Variants in ZNF529 observed in about 807,000 individuals in gnomAD.
ZNF529 encodes zinc finger protein 529.
A neutral mutation model predicts 10.1 loss-of-function variants in ZNF529; 11 were observed. The observed-to-expected ratio is 1.09, with a 90% CI of 0.69 to 1.81. ZNF529 has a LOEUF of 1.81. Among genes scored for constraint, ZNF529 ranks in the 40% most tolerant of loss-of-function variants. The pLI is 0.00. For synonymous variants in ZNF529, 204 were observed against 215.7 expected, an observed-to-expected ratio of 0.95 and a Z score of 0.47; for missense variants, 624 against 666.8, an observed-to-expected ratio of 0.94 and a Z score of 0.71.
At chr19:36,572,875 C>G (rs1383927253) in intron 1 of ZNF529, among the ~76,000 whole-genome samples, 1 of 151,450 alleles carries the variant, frequency 6.6e-6, no homozygotes, top group Admixed American at 6.6e-5. Context: ...ACGCTTTACC[C>G]AAAACAAACT....
chr19:36,569,602 TAAAA>T (rs532554413), intron 2 of ZNF529, among the ~76,000 whole-genome samples: 5 of 141,306 alleles, frequency 3.5e-5, no homozygotes, highest in African/African-American at 1.3e-4. Flanking sequence ...CTGTCTCTAC[TAAAA>T]AAAAAAAAAA....
At chr19:36,593,470 G>A (rs1303322713) in intron 1 of ZNF529, among the ~76,000 whole-genome samples, 1 of 152,246 alleles carries the variant, frequency 6.6e-6, no homozygotes, top group African/African-American at 2.4e-5. Context: ...TGCCTGGATA[G>A]GTCCCAATCT....
rs555768173 is a variant in ZNF529 at position 36,600,423 on chromosome 19, A to G, written c.-128+4703T>C. Among the ~76,000 whole-genome samples, 15 of 152,326 alleles carry G rather than the reference A, an allele frequency of 9.8e-5. No homozygotes were observed. The South Asian group carries it at 3.1e-3, about 32-fold the overall frequency. On this transcript the variant is annotated intron_variant, in intron 1 of 4. Coordinates refer to the ZNF529 transcript ENST00000585960. ...CAACTGATTTATAATTTAGCAATTC[A>G]TTGTGTACTTTTGCTCACAAATATG...
chr19:36,589,654 G>T (rs939911729), exon 2 of ZNF529: 5 of 151,752 alleles, frequency 3.3e-5, no homozygotes, highest in Non-Finnish European at 7.4e-5. Context: ...AATGATTTCA[G>T]CCTTACTGTA....
Position 36,547,958 on chromosome 19 carries a change from T to C in ZNF529, c.600A>G (p.Glu200=), listed in dbSNP as rs1195160307. Residue 200 remains glutamate, a synonymous_variant, in exon 5 of 5, where the codon GAA becomes GAG. Coordinates refer to ENST00000591340, the MANE Select transcript of ZNF529 (RefSeq NM_020951.5). ...QKIHTGGKNY[E]CNQCWKTFGI... ...CAAAGGTTTTCCAACATTGATTACA[T>C]TCATAGTTTTTTCCACCAGTATGTA... The C allele has an allele frequency of 1.2e-6, 2 of 1,612,738 alleles. No individual in the cohort carries two copies. Among genetic ancestry groups the C allele is most frequent in the Non-Finnish European group, 8.5e-7 (1 of 1,179,568 alleles).
chr19:36,598,640 T>C (rs1281103311), intron 1 of ZNF529, among the ~76,000 whole-genome samples: 1 of 152,210 alleles, frequency 6.6e-6, no homozygotes, highest in African/African-American at 2.4e-5. Context: ...AAGTATTTTA[T>C]TGGCATTACC....
intron 2 of ZNF529, among the ~76,000 whole-genome samples, chr19:36,564,079 C>A (rs1359668179): frequency 6.6e-6 from 1 of 152,140 alleles, no homozygotes. Flanking sequence ...TGAAACTGCA[C>A]CCGTACTTTT....
intron 1 of ZNF529, among the ~76,000 whole-genome samples, chr19:36,596,652 G>A (rs2036847032): frequency 1.3e-5 from 2 of 151,934 alleles, no homozygotes; most frequent in Non-Finnish European, 1.5e-5. Context: ...GAGTAGCTGG[G>A]ATTATAGGTG....
At chr19:36,574,870 A>C (rs2036276311), upstream of ZNF529, 4 of 471,266 alleles carry the variant, frequency 8.5e-6, no homozygotes, top group South Asian at 6.2e-5. Context: ...CTCCTGGGCA[A>C]ATATTTAGAA....
rs559660683 is a variant in ZNF529 at position 36,561,766 on chromosome 19, G to A, written c.15-5569C>T. 3.3e-5 allele frequency among the ~76,000 whole-genome samples: 5 copies of A among 152,362 alleles called. No individual in the cohort carries two copies. The East Asian group carries it at 5.8e-4, about 18-fold the overall frequency. On this transcript the variant is annotated intron_variant, in intron 2 of 4. Transcript: ENST00000591340. ...TGTGCACACCAAAGCCATGGTGGCA[G>A]GGACCCTTCGGGCCTTTGGGGTCCA... is the stretch of plus-strand genomic sequence containing the variant.
At chr19:36,602,076 T>A (rs899065119) in intron 1 of ZNF529, among the ~76,000 whole-genome samples, 3 of 142,278 alleles carry the variant, frequency 2.1e-5, no homozygotes, top group Non-Finnish European at 4.5e-5. Flanking sequence ...TTAAGATGGA[T>A]TCTCACTGTC....
At chr19:36,548,761 C>G (rs1316806621) in intron 4 of ZNF529, among the ~76,000 whole-genome samples, 1 of 152,202 alleles carries the variant, frequency 6.6e-6, no homozygotes, top group Non-Finnish European at 1.5e-5. Context: ...TGGCTCATGC[C>G]TGTAATCCTA....
chr19:36,601,532 T>C (rs1300723276), intron 1 of ZNF529, among the ~76,000 whole-genome samples: 2 of 152,070 alleles, frequency 1.3e-5, no homozygotes, highest in Admixed American at 1.3e-4. Context: ...ACAATTAACC[T>C]CATATTTTCA....
At chr19:36,594,660 A>C (rs939366664) in intron 1 of ZNF529, 1 of 152,242 alleles carries the variant, frequency 6.6e-6, no homozygotes, top group African/African-American at 2.4e-5. Context: ...GCTGTCCCCC[A>C]ATGCTCTAAT....
chr19:36,574,810 C>T (rs1399816245), upstream of ZNF529: 3 of 470,698 alleles, frequency 6.4e-6, no homozygotes, highest in Non-Finnish European at 1.3e-5. Context: ...GAACATTTGG[C>T]ATATTTACAG....
chr19:36,574,927 A>G (rs983095987), upstream of ZNF529: 2 of 470,714 alleles, frequency 4.2e-6, no homozygotes, highest in Non-Finnish European at 8.8e-6. Flanking sequence ...CTTTCCAAGA[A>G]GCTGATAAGC....
At chr19:36,604,592 G>C (rs142906113) in intron 1 of ZNF529, among the ~76,000 whole-genome samples, 2 of 170 alleles carry the variant, frequency 0.012, no homozygotes, top group Non-Finnish European at 0.026. Context: ...AGAACAGAAG[G>C]TCTCAGAGTC....
rs766755232 is a variant in ZNF529, at chr19:36,548,319, A to G, written c.239T>C (p.Leu80Ser). ...ENYSNLLSLD[L>S]ESRNETKHLS... The stretch of plus-strand genomic sequence containing the variant: ...ATGCTTAGTCTCATTCCTGGACTCC[A>G]AATCTGAAAGAAAGGAAAAAATAAT... Residue 80 changes from leucine to serine, a missense_variant, in exon 5 of 5, where the codon TTG (leucine) becomes TCG (serine). Leu to Ser is a moderately radical substitution (Grantham distance 145). Coordinates refer to ENST00000591340, the MANE Select transcript of ZNF529 (RefSeq NM_020951.5). 3.9e-6 allele frequency: 6 copies of G among 1,531,918 alleles called. No homozygotes were observed. In the East Asian group the frequency reaches 1.4e-4, roughly 35 times the overall value. 94.9% of individuals were successfully genotyped at this position (1,531,918 alleles called of 1,614,324 possible).
intron 1 of ZNF529, among the ~76,000 whole-genome samples, chr19:36,600,058 G>A (rs3111547): frequency 0.33 from 49,386 of 151,374 alleles, 8,409 homozygotes; most frequent in South Asian, 0.42. Context: ...TAGTAGAGAC[G>A]GGGTTTCACC....
Sources: allele counts gnomAD v4.1 joint callset (sites outside exome capture counted in the v4.1 genomes callset), GRCh38; gene constraint gnomAD v4.1.1; transcripts MANE v1.5; gene names NCBI Gene and HGNC (gene_info 2026-07-23, HGNC 2026-07-21).